Variants in CEP170 observed in about 807,000 individuals in gnomAD.
CEP170 encodes the protein centrosomal protein of 170 kDa.
CEP170 carries 21 observed loss-of-function variants against 151.9 expected under a neutral mutation model. The observed-to-expected ratio is 0.14, with a 90% CI of 0.10 to 0.20. CEP170 has a LOEUF of 0.20. Among genes scored for constraint, CEP170 ranks in the 10% least tolerant of loss-of-function variants. The probability of loss-of-function intolerance (pLI) is 1.00; values close to 1 mark genes in which losing one functional copy is unlikely to be tolerated. For synonymous variants in CEP170, 356 were observed against 648.8 expected, an observed-to-expected ratio of 0.55 and a Z score of 6.86; for missense variants, 964 against 1,892.9, an observed-to-expected ratio of 0.51 and a Z score of 9.11.
chr1:243,250,002 C>G (rs913101478), intron 1 of CEP170, among the ~76,000 whole-genome samples: 2 of 152,160 alleles, frequency 1.3e-5, no homozygotes, highest in Non-Finnish European at 2.9e-5. Flanking sequence ...ATCCAGGAGG[C>G]AGACGTTGTA....
intron 4 of CEP170, among the ~76,000 whole-genome samples, chr1:243,202,888 G>C (rs565668245): frequency 2.6e-5 from 4 of 152,236 alleles, no homozygotes; most frequent in South Asian, 4.1e-4. Context: ...GGGTTTTCGG[G>C]TGCTTCAAGC....
intron 16 of CEP170, among the ~76,000 whole-genome samples, chr1:243,136,976 T>A (rs554166071): frequency 6.6e-6 from 1 of 152,252 alleles, no homozygotes; most frequent in Non-Finnish European, 1.5e-5. Flanking sequence ...TTGAGATGCA[T>A]GGGCAAAACC....
intron 1 of CEP170, among the ~76,000 whole-genome samples, chr1:243,230,171 T>C (rs892925312): frequency 6.6e-6 from 1 of 151,508 alleles, no homozygotes; most frequent in African/African-American, 2.4e-5. Flanking sequence ...GGCAACATAA[T>C]GAGACCTCAT....
intron 17 of CEP170, among the ~76,000 whole-genome samples, chr1:243,129,959 T>C (rs2054198068): frequency 1.3e-5 from 2 of 152,160 alleles, no homozygotes; most frequent in South Asian, 4.1e-4. Flanking sequence ...ATTGTTAATC[T>C]CTTACTGTGC....
intron 4 of CEP170, among the ~76,000 whole-genome samples, chr1:243,207,429 A>T (rs2061496924): frequency 6.6e-6 from 1 of 152,334 alleles, no homozygotes; most frequent in Middle Eastern, 3.4e-3. Context: ...CGAACCCATA[A>T]TTATAGCCTG....
chr1:243,212,593 G>T (rs928640699), intron 3 of CEP170, among the ~76,000 whole-genome samples: 1 of 151,938 alleles, frequency 6.6e-6, no homozygotes, highest in African/African-American at 2.4e-5. Flanking sequence ...TCCAAACAAC[G>T]CTAAAAGTGA....
chr1:243,191,335 G>T lies in CEP170; in HGVS notation c.791C>A (p.Thr264Lys). 1 of 1,613,132 alleles carries T rather than the reference G, an allele frequency of 6.2e-7. No individual in the cohort carries two copies. Among genetic ancestry groups the T allele is most frequent in the Non-Finnish European group, 8.5e-7 (1 of 1,179,554 alleles). ...TATATGGGAACTTGGCGTGTCTTTT[G>T]TTGGGATTTCATGAATAGTGCTTTC... The part of the protein sequence containing the change: ...ITESTIHEIP[T>K]KDTPSSHITG... Residue 264 changes from threonine to lysine, a missense_variant, in exon 8 of 20, where the codon ACA becomes AAA. By Grantham distance (78) the Thr-to-Lys change is moderately conservative. Coordinates refer to ENST00000366542, the MANE Select transcript of CEP170 (RefSeq NM_014812.3).
intron 17 of CEP170, among the ~76,000 whole-genome samples, chr1:243,130,174 G>A (rs1055312915): frequency 1.3e-5 from 2 of 152,056 alleles, no homozygotes; most frequent in African/African-American, 4.8e-5. Context: ...TGCAGTATAG[G>A]AATAAGTGAG....
intron 7 of CEP170, among the ~76,000 whole-genome samples, chr1:243,198,293 T>C (rs1237575622): frequency 1.3e-5 from 2 of 152,106 alleles, no homozygotes; most frequent in Non-Finnish European, 2.9e-5. Context: ...GATTTTCTGG[T>C]TTACGGACTG....
intron 2 of CEP170, among the ~76,000 whole-genome samples, chr1:243,222,555 G>A (rs942016768): frequency 4.6e-5 from 7 of 152,166 alleles, no homozygotes; most frequent in African/African-American, 1.4e-4. Context: ...AGAAGAAACA[G>A]TCTGTGAACC....
At chr1:243,210,040 C>T (rs2061679133) in intron 4 of CEP170, among the ~76,000 whole-genome samples, 1 of 152,158 alleles carries the variant, frequency 6.6e-6, no homozygotes, top group Non-Finnish European at 1.5e-5. Flanking sequence ...CTCCTCTGGG[C>T]ATCCAGACAG....
chr1:243,127,889 C>A (rs1389858450), intron 19 of CEP170, among the ~76,000 whole-genome samples: 1 of 152,156 alleles, frequency 6.6e-6, no homozygotes, highest in African/African-American at 2.4e-5. Context: ...ACACCACCAA[C>A]ATAATTTAAG....
intron 1 of CEP170, among the ~76,000 whole-genome samples, chr1:243,250,719 T>C (rs2065858713): frequency 6.6e-6 from 1 of 152,196 alleles, no homozygotes; most frequent in South Asian, 2.1e-4. Context: ...CAAAAAATAG[T>C]ACCTTGAATT....
intron 6 of CEP170, among the ~76,000 whole-genome samples, chr1:243,200,265 G>A (rs2060939091): frequency 6.6e-6 from 1 of 152,066 alleles, no homozygotes. Context: ...GTCCCCCACG[G>A]ATACTGAAGG....
chr1:243,156,638 C>T (rs1394414997), intron 13 of CEP170, 183 bp from the exon 14 acceptor site: 5 of 474,594 alleles, frequency 1.1e-5, no homozygotes, highest in Admixed American at 3.9e-5. Flanking sequence ...CATTACACTT[C>T]GGTGAATTAA....
intron 13 of CEP170, among the ~76,000 whole-genome samples, chr1:243,162,803 T>C (rs2148519671): frequency 6.6e-6 from 1 of 152,246 alleles, no homozygotes; most frequent in African/African-American, 2.4e-5. Context: ...AGAAATTTCA[T>C]CAGGAAATGC....
Position 243,166,106 on chromosome 1 carries a change from G to T in CEP170, c.1854C>A (p.Ile618=), listed in dbSNP as rs759088759. The stretch of plus-strand genomic sequence containing the variant: ...TTCTCACTGTCATGCCAGACTCACT[G>T]ATCTCTGTCTCTATGAAATAAAAAC... ...APLPLENETE[I]SESGMTVRST... The change falls in exon 13 of 20, where the codon ATC becomes ATA. Residue 618 remains isoleucine, a synonymous_variant. Coordinates refer to ENST00000366542, the MANE Select transcript of CEP170 (RefSeq NM_014812.3). The T allele has an allele frequency of 3.1e-6, 5 of 1,612,568 alleles. No individual in the cohort carries two copies. The highest frequency in any genetic ancestry group is 4.2e-6 in the Non-Finnish European group (5 of 1,179,352).
intron 9 of CEP170, 83 bp from the exon 10 acceptor site, chr1:243,186,155 G>C: frequency 1.2e-6 from 2 of 1,613,094 alleles, no homozygotes; most frequent in Non-Finnish European, 1.7e-6. Flanking sequence ...TGAATATGTA[G>C]TTTCCTGACA....
chr1:243,162,291 C>T (rs2058129323), intron 13 of CEP170, among the ~76,000 whole-genome samples: 1 of 152,170 alleles, frequency 6.6e-6, no homozygotes, highest in South Asian at 2.1e-4. Flanking sequence ...GAAAAACAGG[C>T]TGGGGATTAA....
Sources: allele counts gnomAD v4.1 joint callset (sites outside exome capture counted in the v4.1 genomes callset), GRCh38; gene constraint gnomAD v4.1.1; transcripts MANE v1.5; gene names NCBI Gene and HGNC (gene_info 2026-07-23, HGNC 2026-07-21).